TRIO: variants seen among roughly 807,000 people sequenced by gnomAD.
The protein encoded by TRIO is triple functional domain protein.
In TRIO, 58 loss-of-function variants were observed where a neutral mutation model predicts 351.9. The ratio of observed to expected loss-of-function variants is 0.16; its 90% CI spans 0.13 to 0.21. The LOEUF (loss-of-function observed/expected upper bound fraction) is 0.21. Ranked by LOEUF, TRIO falls within the 10% of genes least tolerant of loss-of-function variation. The pLI is 1.00. For missense variants in TRIO, 3,201 were observed against 4,027.8 expected, an observed-to-expected ratio of 0.79 and a Z score of 5.56; for synonymous variants, 1,758 against 1,595.7, an observed-to-expected ratio of 1.10 and a Z score of -2.42.
intron 49 of TRIO, among the ~76,000 whole-genome samples, chr5:14,495,297 A>G (rs1196816962): frequency 6.6e-6 from 1 of 152,198 alleles, no homozygotes; most frequent in Non-Finnish European, 1.5e-5. Context: ...GTCTCTTGAG[A>G]TGGAATCTAC....
Position 14,490,887 on chromosome 5 carries a change from T to C in TRIO, c.7633-1680T>C, listed in dbSNP as rs952004328. ...ATCTCAGTACTCTTGGGCATTGCCA[T>C]ATAAGTCAGAATACTAAAGTCCATG... On this transcript the variant is annotated intron_variant, in intron 48 of 56. Transcript: ENST00000344204. The C allele has an allele frequency of 1.5e-5, 7 of 455,602 alleles. No homozygotes were observed. In the East Asian group the frequency reaches 4.2e-4, roughly 27 times the overall value. The allele number at this position is 455,602 out of a possible 1,614,324, so 28.2% of individuals were successfully genotyped here.
chr5:14,449,387 G>A (rs958837760), intron 34 of TRIO, among the ~76,000 whole-genome samples: 3 of 152,176 alleles, frequency 2.0e-5, no homozygotes, highest in Non-Finnish European at 4.4e-5. Flanking sequence ...TGGTGACATC[G>A]ACGCGGCCAG....
At chr5:14,339,718 T>C (rs1278092959) in intron 11 of TRIO, among the ~76,000 whole-genome samples, 1 of 152,188 alleles carries the variant, frequency 6.6e-6, no homozygotes. Context: ...ATGCTGCCCG[T>C]TTCTTCAGTA....
intron 28 of TRIO, among the ~76,000 whole-genome samples, chr5:14,396,795 T>A (rs976756151): frequency 3.9e-5 from 6 of 152,220 alleles, no homozygotes; most frequent in Middle Eastern, 3.4e-3. Context: ...TGAGGCTTGA[T>A]TGTTAACAGG....
At chr5:14,276,362 C>T (rs1735519773) in intron 2 of TRIO, among the ~76,000 whole-genome samples, 1 of 152,230 alleles carries the variant, frequency 6.6e-6, no homozygotes, top group Non-Finnish European at 1.5e-5. Context: ...ACTCCATGAG[C>T]CAATTCCTGG....
At chr5:14,158,397 C>T (rs556195493) in intron 1 of TRIO, among the ~76,000 whole-genome samples, 23 of 151,704 alleles carry the variant, frequency 1.5e-4, no homozygotes, top group Non-Finnish European at 2.9e-4. Context: ...TGCACTACAG[C>T]CTGGCGGCAG....
At chr5:14,348,608 T>C (rs1579390438) in intron 11 of TRIO, among the ~76,000 whole-genome samples, 2 of 152,268 alleles carry the variant, frequency 1.3e-5, no homozygotes, top group African/African-American at 4.8e-5. Context: ...TCAGCATGTG[T>C]GCTTTTCCTG....
At chr5:14,182,617 G>T (rs988422710) in intron 1 of TRIO, among the ~76,000 whole-genome samples, 3 of 152,146 alleles carry the variant, frequency 2.0e-5, no homozygotes, top group Admixed American at 6.5e-5. Context: ...TAGGAGCTTG[G>T]TCTGTAAGAA....
chr5:14,483,084 G>A (rs772957574), intron 46 of TRIO, among the ~76,000 whole-genome samples: 11 of 152,120 alleles, frequency 7.2e-5, no homozygotes, highest in East Asian at 1.9e-4. Context: ...TTGATAGCAC[G>A]GATTTGGGGG....
intron 6 of TRIO, among the ~76,000 whole-genome samples, chr5:14,293,363 T>G (rs1737068711): frequency 6.6e-6 from 1 of 152,224 alleles, no homozygotes. Flanking sequence ...CAGTGAAACT[T>G]GAACCAATGA....
At chr5:14,362,405 G>A (rs78673548) in intron 13 of TRIO, among the ~76,000 whole-genome samples, 1,682 of 152,282 alleles carry the variant, frequency 0.011, 37 homozygotes, top group African/African-American at 0.038. Flanking sequence ...TCGGATTGAT[G>A]TGGGTGCCTC....
chr5:14,283,977 T>C (rs763784924), intron 3 of TRIO, among the ~76,000 whole-genome samples: 14 of 152,102 alleles, frequency 9.2e-5, no homozygotes, highest in Non-Finnish European at 1.5e-4. Context: ...CTAATTATGT[T>C]CTAGAACATT....
intron 49 of TRIO, among the ~76,000 whole-genome samples, chr5:14,496,177 C>G (rs1448755314): frequency 6.6e-6 from 1 of 152,190 alleles, no homozygotes; most frequent in Non-Finnish European, 1.5e-5. Context: ...ACATAATAGA[C>G]TCTAGTATAG....
intron 1 of TRIO, among the ~76,000 whole-genome samples, chr5:14,154,515 G>A (rs925374617): frequency 6.6e-6 from 1 of 152,084 alleles, no homozygotes; most frequent in African/African-American, 2.4e-5. Context: ...GGGAAGCAGG[G>A]TCATTTCCTT....
intron 1 of TRIO, among the ~76,000 whole-genome samples, chr5:14,215,698 T>G (rs2152200591): frequency 6.6e-6 from 1 of 152,342 alleles, no homozygotes; most frequent in East Asian, 1.9e-4. Flanking sequence ...TTCCATGAAG[T>G]GTGAGATCTT....
chr5:14,424,890 G>A (rs1451816039), intron 34 of TRIO, among the ~76,000 whole-genome samples: 1 of 152,150 alleles, frequency 6.6e-6, no homozygotes, highest in South Asian at 2.1e-4. Flanking sequence ...TCTCCCAAGG[G>A]TTTTCTTGTC....
At chr5:14,493,893 TAGA>T (rs1384891544) in intron 49 of TRIO, among the ~76,000 whole-genome samples, 4 of 152,202 alleles carry the variant, frequency 2.6e-5, no homozygotes, top group Admixed American at 6.5e-5. Flanking sequence ...GTGGTCTGGA[TAGA>T]AGATCAAACC....
At chr5:14,449,600 G>T (rs1225154389) in intron 34 of TRIO, among the ~76,000 whole-genome samples, 2 of 152,202 alleles carry the variant, frequency 1.3e-5, no homozygotes, top group African/African-American at 4.8e-5. Flanking sequence ...TCCACCAGCT[G>T]CAGACCACGT....
At chr5:14,404,776 T>G (rs1008928070) in intron 31 of TRIO, among the ~76,000 whole-genome samples, 2 of 152,200 alleles carry the variant, frequency 1.3e-5, no homozygotes, top group African/African-American at 4.8e-5. Context: ...TCCCTGTCAC[T>G]ACCTGTTAGT....
Sources: gnomAD v4.1 joint callset for allele counts (sites outside exome capture counted in the v4.1 genomes callset) on GRCh38, gnomAD v4.1.1 for gene constraint, MANE v1.5 for transcripts, NCBI Gene and HGNC (gene_info 2026-07-23, HGNC 2026-07-21) for gene names.